SOS1: variants seen among roughly 807,000 people sequenced by gnomAD.
The protein encoded by SOS1 is son of sevenless homolog 1.
In SOS1, 25 loss-of-function variants were observed where a neutral mutation model predicts 157.6. That is an observed-to-expected ratio of 0.16 (90% CI 0.12 to 0.22). The LOEUF is 0.22. Among genes scored for constraint, SOS1 ranks in the 10% least tolerant of loss-of-function variants. SOS1 has a pLI of 1.00. For missense variants in SOS1, 1,237 were observed against 1,599.1 expected, an observed-to-expected ratio of 0.77 and a Z score of 3.86; for synonymous variants, 528 against 534.0, an observed-to-expected ratio of 0.99 and a Z score of 0.16.
At chr2:39,072,421 CT>C (rs1236630002) in intron 1 of SOS1, among the ~76,000 whole-genome samples, 5 of 152,176 alleles carry the variant, frequency 3.3e-5, no homozygotes, top group African/African-American at 1.2e-4. Context: ...ACTAGAGAGT[CT>C]GTTTGGTTGT....
At chr2:39,105,663 C>T (rs986964849) in intron 1 of SOS1, among the ~76,000 whole-genome samples, 4 of 151,978 alleles carry the variant, frequency 2.6e-5, no homozygotes, top group East Asian at 3.9e-4. Flanking sequence ...TTTGGGAGGC[C>T]GAGGTGGGTA....
At chr2:39,045,003 C>G (rs1455623077) in intron 6 of SOS1, among the ~76,000 whole-genome samples, 1 of 152,132 alleles carries the variant, frequency 6.6e-6, no homozygotes, top group Non-Finnish European at 1.5e-5. Context: ...AGAGGATTCC[C>G]TATATTACTT....
At position 39,102,204 on chromosome 2, in the gene SOS1, CAAAA is replaced by C. The variant is rs58865034; in HGVS notation, c.87+18128_87+18131del. On this transcript the variant is annotated intron_variant, in intron 1 of 22. Coordinates refer to ENST00000402219, the MANE Select transcript of SOS1 (RefSeq NM_005633.4). ...CGGGTGACAGTGCGAGACTCTGTCT[CAAAA>C]AAAAAAAAAAAAAAAAAAAAAAGTG... 7.9e-3 allele frequency among the ~76,000 whole-genome samples: 187 copies of C among 23,742 alleles called. 3 individuals carry two copies. The highest frequency in any genetic ancestry group is 0.024 in the African/African-American group (167 of 6,940). The allele number at this position is 23,742 out of a possible 152,430, so 15.6% of individuals were successfully genotyped here.
intron 1 of SOS1, among the ~76,000 whole-genome samples, chr2:39,113,571 TAAAG>T (rs1259768751): frequency 6.6e-6 from 1 of 152,036 alleles, no homozygotes; most frequent in Non-Finnish European, 1.5e-5. Flanking sequence ...AAAATAAAAA[TAAAG>T]ATTCTGTAAC....
At chr2:39,045,881 G>A (rs964582889) in intron 6 of SOS1, among the ~76,000 whole-genome samples, 5 of 151,640 alleles carry the variant, frequency 3.3e-5, no homozygotes, top group Admixed American at 2.0e-4. Flanking sequence ...GCTAATTTTT[G>A]TATTTTTTTT....
intron 15 of SOS1, 140 bp from the exon 16 acceptor site, chr2:39,007,333 G>T (rs937244227): frequency 4.1e-5 from 26 of 641,554 alleles, no homozygotes; most frequent in Admixed American, 7.8e-5. Context: ...CACATTCAGG[G>T]TGACTGATAG....
intron 1 of SOS1, among the ~76,000 whole-genome samples, chr2:39,081,982 T>C (rs530190968): frequency 6.6e-6 from 1 of 152,334 alleles, no homozygotes; most frequent in African/African-American, 2.4e-5. Flanking sequence ...GATACAGATA[T>C]GTAATGCATA....
At chr2:39,057,678 G>C (rs2124608906) in intron 3 of SOS1, among the ~76,000 whole-genome samples, 1 of 151,910 alleles carries the variant, frequency 6.6e-6, no homozygotes, top group East Asian at 1.9e-4. Context: ...CAAAATTTAG[G>C]ATTATTAACA....
intron 8 of SOS1, among the ~76,000 whole-genome samples, chr2:39,028,044 T>C (rs1414238786): frequency 1.3e-5 from 2 of 152,194 alleles, no homozygotes; most frequent in African/African-American, 2.4e-5. Context: ...TTGGCCAGGC[T>C]GGTCTCGAAC....
At chr2:39,094,862 T>C (rs937912370) in intron 1 of SOS1, among the ~76,000 whole-genome samples, 49 of 152,160 alleles carry the variant, frequency 3.2e-4, no homozygotes, top group Admixed American at 9.8e-4. Flanking sequence ...TAAGGATACA[T>C]TGCTACTTTT....
intron 17 of SOS1, among the ~76,000 whole-genome samples, 176 bp from the exon 18 acceptor site, chr2:38,997,601 C>T (rs1437980279): frequency 1.2e-5 from 1 of 84,122 alleles, no homozygotes; most frequent in Non-Finnish European, 2.2e-5. Flanking sequence ...CTGTGAAAGA[C>T]TTAAATTTTT....
intron 1 of SOS1, among the ~76,000 whole-genome samples, chr2:39,084,414 C>T (rs982755618): frequency 2.0e-5 from 3 of 151,970 alleles, no homozygotes; most frequent in South Asian, 2.1e-4. Context: ...TATTTATACA[C>T]GAGCAGGACA....
At chr2:39,001,974 T>G (rs1409961252) in intron 17 of SOS1, among the ~76,000 whole-genome samples, 1 of 152,188 alleles carries the variant, frequency 6.6e-6, no homozygotes, top group Non-Finnish European at 1.5e-5. Context: ...TTAAAACACC[T>G]TATGAAATCA....
At chr2:39,018,920 T>A (rs926474073) in intron 10 of SOS1, among the ~76,000 whole-genome samples, 1 of 151,768 alleles carries the variant, frequency 6.6e-6, no homozygotes, top group African/African-American at 2.4e-5. Flanking sequence ...AACACTTTTT[T>A]AAAAAATCAG....
intron 1 of SOS1, among the ~76,000 whole-genome samples, chr2:39,093,387 T>G (rs570781668): frequency 6.6e-6 from 1 of 152,308 alleles, no homozygotes; most frequent in Non-Finnish European, 1.5e-5. Context: ...AATGACTTGG[T>G]ACCACTTACA....
intron 1 of SOS1, among the ~76,000 whole-genome samples, chr2:39,110,249 C>G (rs1558518387): frequency 6.6e-6 from 1 of 152,074 alleles, no homozygotes; most frequent in Non-Finnish European, 1.5e-5. Context: ...CTCCAGATTA[C>G]TAATAATAAC....
Position 39,115,328 on chromosome 2 carries a change from T to C in SOS1, c.87+5008A>G, listed in dbSNP as rs558539877. Reference sequence around the variant, plus strand: ...AGACTCATATAGTATATACTCTTTTTTGGTTTCCCTTCTTTCATTGAGTAT... The same window carrying C: ...AGACTCATATAGTATATACTCTTTTCTGGTTTCCCTTCTTTCATTGAGTAT... On this transcript the variant is annotated intron_variant, in intron 1 of 22. Transcript: ENST00000402219. Among the ~76,000 whole-genome samples the C allele has an allele frequency of 1.9e-4, 29 of 152,164 alleles. No homozygotes were observed. The East Asian group carries it at 3.1e-3, about 16-fold the overall frequency.
At chr2:39,106,710 C>T (rs1469371693) in intron 1 of SOS1, among the ~76,000 whole-genome samples, 1 of 152,008 alleles carries the variant, frequency 6.6e-6, no homozygotes, top group African/African-American at 2.4e-5. Flanking sequence ...AGGAAGTTAC[C>T]AGAATTTGAC....
chr2:39,009,153 A>G (rs957923008), intron 15 of SOS1, among the ~76,000 whole-genome samples: 1 of 152,206 alleles, frequency 6.6e-6, no homozygotes, highest in Non-Finnish European at 1.5e-5. Flanking sequence ...ATCATTAAAG[A>G]GATAGAAACT....
Sources: allele counts gnomAD v4.1 joint callset (sites outside exome capture counted in the v4.1 genomes callset), GRCh38; gene constraint gnomAD v4.1.1; transcripts MANE v1.5; gene names NCBI Gene and HGNC (gene_info 2026-07-23, HGNC 2026-07-21).